SAMSN1: variants seen among roughly 807,000 people sequenced by gnomAD.
SAMSN1 encodes the protein SAM domain-containing protein SAMSN-1.
Under a neutral mutation model 42.0 loss-of-function variants are expected in SAMSN1, and 31 were observed. The observed-to-expected ratio is 0.74, with a 90% CI of 0.55 to 1.00. SAMSN1 has a LOEUF of 1.00. Among genes scored for constraint, SAMSN1 ranks in the 50% least tolerant of loss-of-function variants. SAMSN1 has a pLI of 0.00. For missense variants in SAMSN1, 464 were observed against 439.4 expected (o/e 1.06, Z -0.50); for synonymous variants, 178 against 151.9 (o/e 1.17, Z -1.26).
intron 2 of SAMSN1, among the ~76,000 whole-genome samples, chr21:14,622,313 C>T (rs532179560): frequency 6.6e-6 from 1 of 152,324 alleles, no homozygotes; most frequent in South Asian, 2.1e-4. Context: ...TTCAGATGAT[C>T]AAACTTCTCC....
At position 14,497,752 on chromosome 21, in the gene SAMSN1, C is replaced by T. The variant is rs1264832819; in HGVS notation, c.919+690G>A. On this transcript the variant is annotated intron_variant, in intron 7 of 7. Transcript: ENST00000400566. ...CCTTGCAGAGTTTGGCAAACCCTAA[C>T]GTCAGTGTTTGGGGGCCTGACCGGA... Among the ~76,000 whole-genome samples the T allele has an allele frequency of 3.3e-5, 5 of 152,106 alleles. No individual in the cohort carries two copies. The South Asian group carries it at 6.2e-4, about 19-fold the overall frequency.
intron 2 of SAMSN1, among the ~76,000 whole-genome samples, chr21:14,556,817 AT>A (rs1437700134): frequency 6.6e-6 from 1 of 152,150 alleles, no homozygotes; most frequent in Admixed American, 6.5e-5. Context: ...ACTCAATTCT[AT>A]TTTTTCTCAA....
At chr21:14,648,740 G>A (rs928673481) in intron 1 of SAMSN1, among the ~76,000 whole-genome samples, 6 of 151,734 alleles carry the variant, frequency 4.0e-5, no homozygotes, top group African/African-American at 1.5e-4. Context: ...ACACCAGTTA[G>A]AATGGCGATC....
intron 3 of SAMSN1, chr21:14,615,898 C>A: frequency 5.3e-6 from 2 of 378,428 alleles, no homozygotes; most frequent in Non-Finnish European, 9.9e-6. Flanking sequence ...AGTACTTTGG[C>A]ACGAAGTCCA....
chr21:14,505,149 A>T (rs1987341529), intron 5 of SAMSN1, among the ~76,000 whole-genome samples: 1 of 152,186 alleles, frequency 6.6e-6, no homozygotes, highest in African/African-American at 2.4e-5. Context: ...CATAAATCTC[A>T]CAGGACCTAT....
intron 4 of SAMSN1, among the ~76,000 whole-genome samples, chr21:14,611,057 C>A (rs1029736936): frequency 1.3e-5 from 2 of 152,030 alleles, no homozygotes; most frequent in Non-Finnish European, 1.5e-5. Context: ...TCCCAAGTAG[C>A]TGAAACTACA....
chr21:14,496,919 G>T (rs892930746), intron 7 of SAMSN1, among the ~76,000 whole-genome samples: 1 of 152,190 alleles, frequency 6.6e-6, no homozygotes, highest in East Asian at 1.9e-4. Flanking sequence ...TAAAAAGCCA[G>T]TGTATAGGAA....
At chr21:14,643,490 A>G (rs769525793) in intron 1 of SAMSN1, among the ~76,000 whole-genome samples, 3 of 152,216 alleles carry the variant, frequency 2.0e-5, no homozygotes, top group Non-Finnish European at 2.9e-5. Context: ...TGTGTTGGTT[A>G]CAGATTTGAG....
At chr21:14,646,297 G>A (rs986791057) in intron 1 of SAMSN1, among the ~76,000 whole-genome samples, 40 of 152,240 alleles carry the variant, frequency 2.6e-4, no homozygotes, top group East Asian at 1.5e-3. Context: ...ACATACAATT[G>A]AGCGCCTATA....
intron 2 of SAMSN1, among the ~76,000 whole-genome samples, chr21:14,575,457 T>C (rs139406141): frequency 1.1e-3 from 173 of 152,314 alleles, no homozygotes; most frequent in African/African-American, 4.1e-3. Flanking sequence ...CAGATTACCA[T>C]TTATGATGCT....
rs540987503 is a variant in SAMSN1, at chr21:14,643,904, C to T, written c.25-771G>A. On this transcript the variant is annotated intron_variant, in intron 1 of 15. Coordinates refer to the SAMSN1 transcript ENST00000647101. ...CCATCGTGCGGCATTGAACTTAGTG[C>T]TGTCCTGTTAGAGAAGAAAGAAAAC... Among the ~76,000 whole-genome samples, 33 of 152,292 alleles carry T rather than the reference C, an allele frequency of 2.2e-4. No individual in the cohort carries two copies. The South Asian group carries it at 6.8e-3, about 32-fold the overall frequency.
At chr21:14,619,577 C>T in intron 2 of SAMSN1, 1 of 199,328 alleles carries the variant, frequency 5.0e-6, no homozygotes, top group Non-Finnish European at 1.2e-5. Flanking sequence ...ACATTTTATT[C>T]AACAAACACT....
intron 5 of SAMSN1, among the ~76,000 whole-genome samples, chr21:14,510,060 AC>A (rs1311681999): frequency 5.3e-5 from 8 of 151,820 alleles, no homozygotes; most frequent in Non-Finnish European, 1.0e-4. Context: ...AATGGCGTGA[AC>A]CCGGGAGGTG....
chr21:14,589,553 A>ATG (rs1982017454), intron 7 of SAMSN1, among the ~76,000 whole-genome samples: 1 of 152,140 alleles, frequency 6.6e-6, no homozygotes, highest in Non-Finnish European at 1.5e-5. Flanking sequence ...ATATAAATAT[A>ATG]TGTGTGTGTA....
intron 2 of SAMSN1, among the ~76,000 whole-genome samples, chr21:14,575,614 G>A (rs1027307164): frequency 6.6e-6 from 1 of 152,186 alleles, no homozygotes; most frequent in Non-Finnish European, 1.5e-5. Context: ...GTTAAATTAT[G>A]AGGAATTATG....
chr21:14,652,363 T>C (rs1022322650), intron 1 of SAMSN1, among the ~76,000 whole-genome samples: 14 of 151,862 alleles, frequency 9.2e-5, no homozygotes, highest in Admixed American at 7.2e-4. Flanking sequence ...ATGTAAAAAA[T>C]AGAGAACTCA....
At chr21:14,658,660 A>C in intron 1 of SAMSN1, 1 of 698,048 alleles carries the variant, frequency 1.4e-6, no homozygotes, top group Non-Finnish European at 2.7e-6. Context: ...ATCATCACAT[A>C]AGAAGTTTAG....
intron 2 of SAMSN1, among the ~76,000 whole-genome samples, chr21:14,635,465 T>A (rs1221778713): frequency 1.3e-5 from 2 of 152,208 alleles, no homozygotes; most frequent in Non-Finnish European, 2.9e-5. Context: ...GGCTGAGTTG[T>A]CAAACACTCC....
At chr21:14,647,899 A>G (rs1288304895) in intron 1 of SAMSN1, among the ~76,000 whole-genome samples, 1 of 151,494 alleles carries the variant, frequency 6.6e-6, no homozygotes, top group Non-Finnish European at 1.5e-5. Flanking sequence ...GAGACAATGG[A>G]GTTTTCTAGA....
Sources: gnomAD v4.1 joint callset for allele counts (sites outside exome capture counted in the v4.1 genomes callset) on GRCh38, gnomAD v4.1.1 for gene constraint, MANE v1.5 for transcripts, NCBI Gene and HGNC (gene_info 2026-07-23, HGNC 2026-07-21) for gene names.